RYR3: variants seen among roughly 807,000 people sequenced by gnomAD.
RYR3 encodes brain ryanodine receptor-calcium release channel.
Under a neutral mutation model 584.3 loss-of-function variants are expected in RYR3, and 207 were observed. The ratio of observed to expected loss-of-function variants is 0.35; its 90% CI spans 0.32 to 0.40. RYR3 has a LOEUF of 0.40. Among genes scored for constraint, RYR3 ranks in the 10% least tolerant of loss-of-function variants. RYR3 has a pLI of 1.00. For synonymous variants in RYR3, 2,416 were observed against 2,248.5 expected, an observed-to-expected ratio of 1.07 and a Z score of -2.11; for missense variants, 5,616 against 6,089.2, an observed-to-expected ratio of 0.92 and a Z score of 2.59.
At chr15:33,841,274 G>A (rs1336904696) in intron 90 of RYR3, among the ~76,000 whole-genome samples, 1 of 152,156 alleles carries the variant, frequency 6.6e-6, no homozygotes, top group Non-Finnish European at 1.5e-5. Context: ...CTGATATTCT[G>A]TCGCTATAGT....
chr15:33,365,115 GA>G, intron 1 of RYR3, among the ~76,000 whole-genome samples: 1 of 152,274 alleles, frequency 6.6e-6, no homozygotes, highest in African/African-American at 2.4e-5. Context: ...TGATGCCTGT[GA>G]AAAATAATGG....
At chr15:33,757,405 C>A (rs191083601) in intron 59 of RYR3, 70 bp from the exon 60 acceptor site, 9 of 1,516,582 alleles carry the variant, frequency 5.9e-6, no homozygotes, top group Non-Finnish European at 8.0e-6. Flanking sequence ...TGAAAATAAA[C>A]ACTTTTAAAT....
At chr15:33,613,410 G>A in intron 19 of RYR3, 35 bp downstream of exon 19, 2 of 1,555,332 alleles carry the variant, frequency 1.3e-6, no homozygotes, top group South Asian at 2.5e-5. Context: ...GAGAGTAGCA[G>A]TTACCCCACC....
Position 33,840,971 on chromosome 15 carries a change from A to C in RYR3, c.13037+88A>C, listed in dbSNP as rs558572831. ...AGTGGCTCGCACCTGTAATCCCAGCACTTTGAGAGGCTGAGGCTGGAGGAT... is the reference window on the plus strand; with the variant it reads ...AGTGGCTCGCACCTGTAATCCCAGCCCTTTGAGAGGCTGAGGCTGGAGGAT... On this transcript the variant is annotated intron_variant, in intron 90 of 103. Coordinates refer to ENST00000634891, the MANE Select transcript of RYR3 (RefSeq NM_001036.6). The C allele has an allele frequency of 8.4e-6, 10 of 1,197,440 alleles. No homozygotes were observed. In the African/African-American group the frequency reaches 1.3e-4, roughly 16 times the overall value. The allele number at this position is 1,197,440 out of a possible 1,614,324, so 74.2% of individuals were successfully genotyped here.
At chr15:33,825,581 G>C in intron 81 of RYR3, 22 bp from the exon 82 acceptor site, 1 of 1,573,116 alleles carries the variant, frequency 6.4e-7, no homozygotes, top group Non-Finnish European at 8.7e-7. Flanking sequence ...CCTGAACCTT[G>C]TTTCTTTCTG....
In RYR3 at chr15:33,792,565, CTAA is replaced by C. The variant is rs532775587; in HGVS notation, c.9830+4109_9830+4111del. Among the ~76,000 whole-genome samples the C allele has an allele frequency of 3.7e-4, 56 of 152,270 alleles. 1 individual carries two copies. Among genetic ancestry groups the C allele is most frequent in the Admixed American group, 1.1e-3 (17 of 15,294 alleles). Reference sequence around the variant, plus strand: ...ACAGAACTTCAAAGGTTGAAAGTCTCTAATGTCATAATTAGGCAAATTAATTCA... The same window carrying C: ...ACAGAACTTCAAAGGTTGAAAGTCTCTGTCATAATTAGGCAAATTAATTCA... On this transcript the variant is annotated intron_variant, in intron 67 of 103. Coordinates refer to ENST00000634891, the MANE Select transcript of RYR3 (RefSeq NM_001036.6).
chr15:33,489,925 G>T (rs2050826419), intron 2 of RYR3, among the ~76,000 whole-genome samples: 1 of 98,966 alleles, frequency 1.0e-5, no homozygotes, highest in Non-Finnish European at 2.2e-5. Flanking sequence ...AACCTCATTT[G>T]CCCATTCATT....
intron 18 of RYR3, among the ~76,000 whole-genome samples, chr15:33,611,451 G>A (rs1459092797): frequency 6.6e-6 from 1 of 151,760 alleles, no homozygotes; most frequent in Non-Finnish European, 1.5e-5. Context: ...AGCTACTTGG[G>A]AGGCTGAGGC....
At chr15:33,691,667 C>T (rs904507694) in intron 38 of RYR3, among the ~76,000 whole-genome samples, 8 of 152,212 alleles carry the variant, frequency 5.3e-5, no homozygotes, top group African/African-American at 1.9e-4. Context: ...AACTTTAATA[C>T]ATAGCAGAAG....
intron 18 of RYR3, among the ~76,000 whole-genome samples, chr15:33,608,864 T>C (rs2060033932): frequency 6.6e-6 from 1 of 152,244 alleles, no homozygotes; most frequent in African/African-American, 2.4e-5. Flanking sequence ...CTGGTGGTTA[T>C]TTTCAATGGA....
At chr15:33,335,961 A>G (rs1970913579) in intron 1 of RYR3, among the ~76,000 whole-genome samples, 1 of 152,190 alleles carries the variant, frequency 6.6e-6, no homozygotes, top group Admixed American at 6.5e-5. Context: ...CAGAAAGGAA[A>G]TAAATGATAA....
At chr15:33,633,908 G>A (rs969896491) in intron 24 of RYR3, among the ~76,000 whole-genome samples, 1 of 152,188 alleles carries the variant, frequency 6.6e-6, no homozygotes, top group African/African-American at 2.4e-5. Flanking sequence ...GGAGGCTATA[G>A]CAACTTAAAT....
At chr15:33,530,299 T>C (rs886573620) in intron 3 of RYR3, among the ~76,000 whole-genome samples, 1 of 152,210 alleles carries the variant, frequency 6.6e-6, no homozygotes, top group Non-Finnish European at 1.5e-5. Flanking sequence ...GCAGTACCTA[T>C]GTCACTTACA....
chr15:33,766,276 C>T (rs529638998), intron 60 of RYR3, among the ~76,000 whole-genome samples: 4 of 142,990 alleles, frequency 2.8e-5, no homozygotes, highest in Non-Finnish European at 4.5e-5. Context: ...CAGTGAGTCT[C>T]CACCTCAAAA....
At chr15:33,725,583 C>G (rs552589611) in intron 45 of RYR3, among the ~76,000 whole-genome samples, 69 of 152,266 alleles carry the variant, frequency 4.5e-4, no homozygotes, top group East Asian at 1.9e-4. Context: ...CTGACATTCT[C>G]TACACCCTTT....
rs547567082 is a variant in RYR3, at chr15:33,632,592, T to C, written c.2868-357T>C. 3.9e-5 allele frequency among the ~76,000 whole-genome samples: 6 copies of C among 152,366 alleles called. No homozygotes were observed. In the South Asian group the frequency reaches 1.0e-3, roughly 26 times the overall value. On this transcript the variant is annotated intron_variant, in intron 23 of 103. Coordinates refer to ENST00000634891, the MANE Select transcript of RYR3 (RefSeq NM_001036.6). ...GTTCTTGCCAATCTGGTTTTGACTT[T>C]TTGTGTTTTTGTAGTGGGATGACAG...
chr15:33,431,702 G>C (rs949956897), intron 1 of RYR3, among the ~76,000 whole-genome samples: 1 of 152,084 alleles, frequency 6.6e-6, no homozygotes, highest in Non-Finnish European at 1.5e-5. Context: ...GGAGGTTGAG[G>C]CTGCAGTGAG....
At chr15:33,479,133 T>A (rs186321992) in intron 2 of RYR3, among the ~76,000 whole-genome samples, 9 of 152,354 alleles carry the variant, frequency 5.9e-5, no homozygotes, top group South Asian at 2.1e-4. Flanking sequence ...TTGAGAGTTA[T>A]GTAGGCTCTG....
In RYR3 at chr15:33,859,557, CT is replaced by C; in HGVS notation, c.14143-16del. 1 of 1,613,400 alleles carries C rather than the reference CT, an allele frequency of 6.2e-7. No homozygotes were observed. The highest frequency in any genetic ancestry group is 8.5e-7 in the Non-Finnish European group (1 of 1,179,552). On this transcript the variant is annotated splice_polypyrimidine_tract_variant and intron_variant, in intron 99 of 103. Transcript: ENST00000634891. ...AACTGTGACTTTTGCCTAAATCCCC[CT>C]TATTTTTCTTCTCTAGTGTTACCTT... is the stretch of plus-strand genomic sequence containing the variant.
Sources: allele counts gnomAD v4.1 joint callset (sites outside exome capture counted in the v4.1 genomes callset), GRCh38; gene constraint gnomAD v4.1.1; transcripts MANE v1.5; gene names NCBI Gene and HGNC (gene_info 2026-07-23, HGNC 2026-07-21).